Variants in ITGA9 observed in about 807,000 individuals in gnomAD.
ITGA9 encodes the protein integrin alpha-9.
ITGA9 carries 56 observed loss-of-function variants against 127.8 expected under a neutral mutation model. That is an observed-to-expected ratio of 0.44 (90% CI 0.35 to 0.55). The LOEUF is 0.55. ITGA9 is among the 20% of genes least tolerant of loss of function. ITGA9 has a pLI of 0.00. For missense variants in ITGA9, 1,196 were observed against 1,347.1 expected (o/e 0.89, Z 1.76); for synonymous variants, 508 against 514.5 (o/e 0.99, Z 0.17).
chr3:37,769,017 A>G (rs1466159512), intron 23 of ITGA9, among the ~76,000 whole-genome samples: 1 of 152,158 alleles, frequency 6.6e-6, no homozygotes, highest in Non-Finnish European at 1.5e-5. Flanking sequence ...GCAAACTGGT[A>G]GAGGCATCTA....
At chr3:37,622,686 A>G (rs970448376) in intron 15 of ITGA9, among the ~76,000 whole-genome samples, 15 of 152,144 alleles carry the variant, frequency 9.9e-5, no homozygotes, top group Admixed American at 3.3e-4. Flanking sequence ...TCTACTAAAA[A>G]TACAAAAAAT....
At chr3:37,727,158 C>G (rs1322720176) in intron 18 of ITGA9, among the ~76,000 whole-genome samples, 1 of 152,208 alleles carries the variant, frequency 6.6e-6, no homozygotes, top group African/African-American at 2.4e-5. Flanking sequence ...CTGCGCTGGC[C>G]AGCATCTTGA....
In ITGA9 at chr3:37,452,243, C is replaced by A; in HGVS notation, c.-132C>A. Reference sequence around the variant, plus strand: ...GTCCGCGCCCCGGTGGCGGGCCCGACGCCCGCATTCCGCCCGTGTCCAGGC... The same window carrying A: ...GTCCGCGCCCCGGTGGCGGGCCCGAAGCCCGCATTCCGCCCGTGTCCAGGC... On this transcript the variant is annotated 5_prime_UTR_variant, in exon 1 of 28. Transcript: ENST00000264741. The surrounding 1 kb of genome is among the most constrained non-coding windows in gnomAD (Gnocchi z 7.3). The A allele has an allele frequency of 2.9e-6, 1 of 339,742 alleles. No individual in the cohort carries two copies. Among genetic ancestry groups the A allele is most frequent in the Non-Finnish European group, 4.2e-6 (1 of 239,874 alleles). The allele number at this position is 339,742 out of a possible 1,614,324, so 21.0% of individuals were successfully genotyped here.
intron 15 of ITGA9, among the ~76,000 whole-genome samples, chr3:37,618,671 C>A (rs1575169294): frequency 1.3e-5 from 2 of 152,234 alleles, no homozygotes; most frequent in South Asian, 4.1e-4. Flanking sequence ...GTGGGCGCCC[C>A]TCCCCCAGCC....
chr3:37,585,285 G>A (rs1012855768), intron 15 of ITGA9, among the ~76,000 whole-genome samples: 2 of 152,138 alleles, frequency 1.3e-5, no homozygotes, highest in African/African-American at 2.4e-5. Context: ...TGCTCAATAA[G>A]TGCATGGTTG....
intron 4 of ITGA9, among the ~76,000 whole-genome samples, chr3:37,483,390 A>G (rs1359134569): frequency 6.6e-6 from 1 of 152,146 alleles, no homozygotes; most frequent in Non-Finnish European, 1.5e-5. Context: ...TCTCTCATCT[A>G]ATCTTCCCAG....
chr3:37,655,760 T>C (rs1029959745), intron 17 of ITGA9, among the ~76,000 whole-genome samples: 2 of 152,220 alleles, frequency 1.3e-5, no homozygotes, highest in African/African-American at 2.4e-5. Flanking sequence ...AGTCATGAAG[T>C]CTTTGCCCAT....
At chr3:37,655,175 T>C (rs909950722) in intron 17 of ITGA9, among the ~76,000 whole-genome samples, 4 of 152,178 alleles carry the variant, frequency 2.6e-5, no homozygotes, top group African/African-American at 9.7e-5. Flanking sequence ...GTCTTTATAG[T>C]AGAATGATTC....
At chr3:37,748,292 C>T in intron 22 of ITGA9, 2 of 524,024 alleles carry the variant, frequency 3.8e-6, no homozygotes, top group Non-Finnish European at 7.3e-6. Context: ...CATGGCTAAA[C>T]TGAAAGAGTC....
chr3:37,511,162 T>G (rs1184156651), intron 8 of ITGA9, among the ~76,000 whole-genome samples: 1 of 152,076 alleles, frequency 6.6e-6, no homozygotes, highest in African/African-American at 2.4e-5. Flanking sequence ...TGGCTTCCTA[T>G]AAGAAGAAAC....
At chr3:37,570,141 C>A (rs114518682) in intron 15 of ITGA9, among the ~76,000 whole-genome samples, 1 of 152,230 alleles carries the variant, frequency 6.6e-6, no homozygotes, top group African/African-American at 2.4e-5. Context: ...CATTTCTGCC[C>A]GGGGTTTGGC....
chr3:37,627,455 C>T (rs71614157), intron 15 of ITGA9, among the ~76,000 whole-genome samples: 10,044 of 152,132 alleles, frequency 0.066, 623 homozygotes, highest in South Asian at 0.19. Flanking sequence ...CCTCTCCCCC[C>T]GCAGCCCCGA....
chr3:37,510,270 G>A (rs1403052593), intron 8 of ITGA9, among the ~76,000 whole-genome samples: 1 of 152,082 alleles, frequency 6.6e-6, no homozygotes, highest in Non-Finnish European at 1.5e-5. Flanking sequence ...CTCCCAGAGT[G>A]CGGGATGATA....
At chr3:37,483,007 A>G (rs1698572061) in intron 4 of ITGA9, among the ~76,000 whole-genome samples, 1 of 152,210 alleles carries the variant, frequency 6.6e-6, no homozygotes, top group Non-Finnish European at 1.5e-5. Flanking sequence ...CCACTGCCCC[A>G]GTTTACTCCT....
chr3:37,477,662 G>C (rs1698507529), intron 3 of ITGA9, among the ~76,000 whole-genome samples: 1 of 152,140 alleles, frequency 6.6e-6, no homozygotes, highest in African/African-American at 2.4e-5. Flanking sequence ...AGCGGGGAGG[G>C]GAATCACTTC....
At chr3:37,681,293 G>A (rs1700732033) in intron 17 of ITGA9, among the ~76,000 whole-genome samples, 1 of 152,214 alleles carries the variant, frequency 6.6e-6, no homozygotes, top group African/African-American at 2.4e-5. Flanking sequence ...AGGAAACAGA[G>A]GAGGCAAGTC....
At chr3:37,624,354 G>A (rs189993791) in intron 15 of ITGA9, among the ~76,000 whole-genome samples, 286 of 151,894 alleles carry the variant, frequency 1.9e-3, no homozygotes, top group African/African-American at 5.9e-3. Flanking sequence ...TATTTCTCCC[G>A]AATTGAAATG....
In ITGA9 at chr3:37,541,171, G is replaced by C. The variant is rs1165060632; in HGVS notation, c.1529-1254G>C. On this transcript the variant is annotated intron_variant, in intron 14 of 27. Transcript: ENST00000264741. ...CCTGACTTCACTTACTTAAATGCCA[G>C]TGGGCTCGGGGCTACTTGTTACTGA... 2.6e-5 allele frequency among the ~76,000 whole-genome samples: 4 copies of C among 152,320 alleles called. No homozygotes were observed. In the East Asian group the frequency reaches 7.7e-4, roughly 29 times the overall value.
In ITGA9 at chr3:37,675,839, G is replaced by A. The variant is rs987346962; in HGVS notation, c.1917-8026G>A. Among the ~76,000 whole-genome samples, 13 of 150,440 alleles carry A rather than the reference G, an allele frequency of 8.6e-5. 1 individual carries two copies. Among genetic ancestry groups the A allele is most frequent in the Middle Eastern group, 3.4e-3 (1 of 292 alleles). On this transcript the variant is annotated intron_variant, in intron 17 of 27. Coordinates refer to ENST00000264741, the MANE Select transcript of ITGA9 (RefSeq NM_002207.3). ...GCTCACTGCAATTTCTGCCTCCCGGGTTCCAGCCATTCTCCTGCCTCAGCC... is the reference window on the plus strand; with the variant it reads ...GCTCACTGCAATTTCTGCCTCCCGGATTCCAGCCATTCTCCTGCCTCAGCC...
Sources: allele counts gnomAD v4.1 joint callset (sites outside exome capture counted in the v4.1 genomes callset), GRCh38; gene constraint gnomAD v4.1.1; non-coding constraint Gnocchi (gnomAD v3.1); transcripts MANE v1.5; gene names NCBI Gene and HGNC (gene_info 2026-07-23, HGNC 2026-07-21).